DPP10: variants seen among roughly 807,000 people sequenced by gnomAD.
The protein encoded by DPP10 is dipeptidyl peptidase like 10.
Under a neutral mutation model 120.9 loss-of-function variants are expected in DPP10, and 33 were observed. The observed-to-expected ratio is 0.27, with a 90% confidence interval of 0.21 to 0.37. The LOEUF is 0.37. Among genes scored for constraint, DPP10 ranks in the 10% least tolerant of loss-of-function variants. The pLI is 1.00. For missense variants in DPP10, 816 were observed against 942.8 expected, an observed-to-expected ratio of 0.87 and a Z score of 1.76; for synonymous variants, 337 against 326.1, an observed-to-expected ratio of 1.03 and a Z score of -0.36.
chr2:114,869,725 A>T (rs918366883), intron 1 of DPP10, among the ~76,000 whole-genome samples: 7 of 152,190 alleles, frequency 4.6e-5, no homozygotes, highest in Admixed American at 3.9e-4. Flanking sequence ...ATTATTCTTG[A>T]GAACTACAAG....
chr2:115,629,163 G>A (rs1003058885), intron 5 of DPP10, among the ~76,000 whole-genome samples: 1 of 152,120 alleles, frequency 6.6e-6, no homozygotes, highest in Non-Finnish European at 1.5e-5. Flanking sequence ...TTTTATGGCT[G>A]CATAGTATTC....
intron 1 of DPP10, among the ~76,000 whole-genome samples, chr2:114,448,255 A>G (rs1275811442): frequency 6.6e-6 from 1 of 152,204 alleles, no homozygotes; most frequent in East Asian, 1.9e-4. Flanking sequence ...GTATTCTTGT[A>G]TAATATAATT....
intron 1 of DPP10, among the ~76,000 whole-genome samples, chr2:115,212,574 A>C (rs959787607): frequency 6.6e-6 from 1 of 152,162 alleles, no homozygotes; most frequent in African/African-American, 2.4e-5. Flanking sequence ...TGTGTTTAGA[A>C]TGGTCATCTA....
intron 5 of DPP10, among the ~76,000 whole-genome samples, chr2:115,560,710 G>T (rs1192158854): frequency 1.3e-5 from 2 of 151,458 alleles, no homozygotes; most frequent in East Asian, 2.0e-4. Flanking sequence ...AACCTCCAGG[G>T]CTCAAGCTAG....
intron 1 of DPP10, among the ~76,000 whole-genome samples, chr2:114,877,999 G>A (rs1691297038): frequency 6.6e-6 from 1 of 151,932 alleles, no homozygotes; most frequent in Non-Finnish European, 1.5e-5. Flanking sequence ...GAATCAGAGT[G>A]CCCCACTCTC....
chr2:115,231,338 A>G (rs1574093214), intron 1 of DPP10, among the ~76,000 whole-genome samples: 1 of 152,144 alleles, frequency 6.6e-6, no homozygotes, highest in Non-Finnish European at 1.5e-5. Flanking sequence ...ATTTATAAAC[A>G]TCTATGTTTA....
intron 1 of DPP10, among the ~76,000 whole-genome samples, chr2:115,019,074 G>A (rs948449240): frequency 6.2e-5 from 9 of 144,400 alleles, no homozygotes; most frequent in South Asian, 2.3e-4. Flanking sequence ...CACCATTCTC[G>A]CACCCCCGCC....
At chr2:115,184,698 C>T (rs1049636354) in intron 1 of DPP10, among the ~76,000 whole-genome samples, 2 of 152,236 alleles carry the variant, frequency 1.3e-5, no homozygotes, top group Non-Finnish European at 2.9e-5. Context: ...TTGCCCAATA[C>T]ACCTTCAAAC....
chr2:115,624,411 CA>C (rs2085204440), intron 5 of DPP10, among the ~76,000 whole-genome samples: 1 of 152,052 alleles, frequency 6.6e-6, no homozygotes, highest in Non-Finnish European at 1.5e-5. Context: ...CCCCAAAAGG[CA>C]AAAACAAGCA....
chr2:115,534,030 T>G (rs575226022), intron 5 of DPP10, among the ~76,000 whole-genome samples: 4 of 152,056 alleles, frequency 2.6e-5, no homozygotes, highest in Non-Finnish European at 4.4e-5. Context: ...ATTTACAACA[T>G]TTTTTGGTGA....
chr2:115,688,435 T>C (rs1438378991), intron 5 of DPP10, among the ~76,000 whole-genome samples: 1 of 152,206 alleles, frequency 6.6e-6, no homozygotes, highest in Non-Finnish European at 1.5e-5. Context: ...TAATTGACAG[T>C]ATTATAATAT....
At chr2:115,202,388 A>C (rs2055799969) in intron 1 of DPP10, among the ~76,000 whole-genome samples, 1 of 152,192 alleles carries the variant, frequency 6.6e-6, no homozygotes, top group Admixed American at 6.5e-5. Context: ...GGCTTTATGG[A>C]ATTGAACATA....
At chr2:114,557,691 A>G (rs1209198257) in intron 1 of DPP10, among the ~76,000 whole-genome samples, 1 of 152,200 alleles carries the variant, frequency 6.6e-6, no homozygotes, top group Non-Finnish European at 1.5e-5. Flanking sequence ...GTAGAAAGAA[A>G]TAAGTTATCA....
At chr2:115,807,937 C>G (rs555473297) in intron 19 of DPP10, among the ~76,000 whole-genome samples, 2,770 of 151,946 alleles carry the variant, frequency 0.018, 86 homozygotes, top group African/African-American at 0.061. Flanking sequence ...TGAACAGACC[C>G]ACATATGAAT....
chr2:115,700,335 T>C (rs2091829649), intron 7 of DPP10, among the ~76,000 whole-genome samples: 1 of 151,856 alleles, frequency 6.6e-6, no homozygotes, highest in African/African-American at 2.4e-5. Flanking sequence ...AAAAAACACA[T>C]AATCATCTCA....
rs543981658 is a variant in DPP10, at chr2:115,714,985, C to T, written c.577-12831C>T. ...CAGAGGTAGGAGTGAGGCAAGATCG[C>T]GCCACCGCACTCCAGCCTGGGAGAC... On this transcript the variant is annotated intron_variant, in intron 7 of 25. Transcript: ENST00000410059. 1.4e-3 allele frequency among the ~76,000 whole-genome samples: 214 copies of T among 148,570 alleles called. 1 individual carries two copies. Among genetic ancestry groups the T allele is most frequent in the Non-Finnish European group, 2.2e-3 (151 of 67,574 alleles).
chr2:114,830,037 C>G (rs958100419), intron 1 of DPP10, among the ~76,000 whole-genome samples: 2 of 152,088 alleles, frequency 1.3e-5, no homozygotes, highest in African/African-American at 2.4e-5. Flanking sequence ...TTACTGCTGT[C>G]CTCTCCTGGG....
At chr2:115,145,821 A>T (rs1408004844) in intron 1 of DPP10, among the ~76,000 whole-genome samples, 10 of 152,086 alleles carry the variant, frequency 6.6e-5, no homozygotes. Flanking sequence ...TAGTGTTATC[A>T]TTATTTTCAA....
chr2:115,075,357 C>T (rs944329083), intron 1 of DPP10, among the ~76,000 whole-genome samples: 2 of 152,140 alleles, frequency 1.3e-5, no homozygotes, highest in African/African-American at 2.4e-5. Flanking sequence ...TGTAAAGGTA[C>T]GATCAGTGTG....
Sources: allele counts gnomAD v4.1 joint callset (sites outside exome capture counted in the v4.1 genomes callset), GRCh38; gene constraint gnomAD v4.1.1; transcripts MANE v1.5; gene names NCBI Gene and HGNC (gene_info 2026-07-23, HGNC 2026-07-21).